The following SEMA4D variants were observed in gnomAD, a reference collection of about 807,000 sequenced individuals.
The protein encoded by SEMA4D is semaphorin 4D.
A neutral mutation model predicts 74.8 loss-of-function variants in SEMA4D; 22 were observed. That is an observed-to-expected ratio of 0.29 (90% CI 0.21 to 0.42). SEMA4D has a LOEUF of 0.42. Among genes scored for constraint, SEMA4D ranks in the 10% least tolerant of loss-of-function variants. SEMA4D has a pLI of 1.00. For missense variants in SEMA4D, 937 were observed against 1,118.4 expected (o/e 0.84, Z 2.31); for synonymous variants, 445 against 463.7 (o/e 0.96, Z 0.52).
At chr9:89,408,674 G>A (rs1293206625) in intron 2 of SEMA4D, among the ~76,000 whole-genome samples, 1 of 152,024 alleles carries the variant, frequency 6.6e-6, no homozygotes, top group East Asian at 1.9e-4. Context: ...TAGAGGAGGA[G>A]GAGGAGGCAG....
intron 1 of SEMA4D, among the ~76,000 whole-genome samples, chr9:89,477,266 A>T (rs561196533): frequency 2.7e-5 from 4 of 147,564 alleles, no homozygotes; most frequent in Non-Finnish European, 6.1e-5. Flanking sequence ...ACACACACAC[A>T]CACACAAATG....
At chr9:89,399,939 A>G (rs1841804634) in intron 4 of SEMA4D, among the ~76,000 whole-genome samples, 2 of 139,626 alleles carry the variant, frequency 1.4e-5, no homozygotes, top group African/African-American at 5.3e-5. Flanking sequence ...CGAAGGTTGC[A>G]GTAAGCCGAG....
At chr9:89,364,170 T>C in intron 16 of SEMA4D, 1 of 888,816 alleles carries the variant, frequency 1.1e-6, no homozygotes, top group Non-Finnish European at 1.7e-6. Flanking sequence ...CTCTTTGACC[T>C]TAATTGCCAT....
At chr9:89,452,003 A>G (rs1172979548) in intron 2 of SEMA4D, among the ~76,000 whole-genome samples, 1 of 152,040 alleles carries the variant, frequency 6.6e-6, no homozygotes, top group African/African-American at 2.4e-5. Context: ...CCTATGAGGC[A>G]TAAGGAGGCA....
chr9:89,474,662 C>T (rs1174904588), intron 1 of SEMA4D, among the ~76,000 whole-genome samples: 1 of 152,190 alleles, frequency 6.6e-6, no homozygotes, highest in Non-Finnish European at 1.5e-5. Context: ...AATATTAAGC[C>T]ACTCTCCCCC....
chr9:89,418,057 T>C (rs1024930776), intron 2 of SEMA4D: 5 of 981,774 alleles, frequency 5.1e-6, no homozygotes, highest in African/African-American at 3.5e-5. Context: ...TGGTTTTACC[T>C]GTATCTTATG....
intron 2 of SEMA4D, among the ~76,000 whole-genome samples, chr9:89,444,428 C>T (rs556974173): frequency 6.6e-6 from 1 of 152,334 alleles, no homozygotes; most frequent in East Asian, 1.9e-4. Context: ...ACTTGCTCTG[C>T]AGCCGCTACT....
At chr9:89,410,230 C>T (rs1320990846) in intron 2 of SEMA4D, among the ~76,000 whole-genome samples, 1 of 152,220 alleles carries the variant, frequency 6.6e-6, no homozygotes, top group African/African-American at 2.4e-5. Flanking sequence ...ATCTCAGATA[C>T]AAGAGGCGAG....
chr9:89,363,730 G>C, intron 17 of SEMA4D: 8 of 1,610,168 alleles, frequency 5.0e-6, no homozygotes, highest in Non-Finnish European at 6.8e-6. Context: ...GTGGGCATGG[G>C]AATCACTTAC....
chr9:89,376,649 A>T, downstream of SEMA4D: 1 of 854,332 alleles, frequency 1.2e-6, no homozygotes, highest in Non-Finnish European at 1.8e-6. Context: ...CACACTGTCT[A>T]CAGTTTCCCT....
intron 2 of SEMA4D, among the ~76,000 whole-genome samples, chr9:89,411,595 A>G (rs1028371840): frequency 6.6e-6 from 1 of 152,266 alleles, no homozygotes; most frequent in African/African-American, 2.4e-5. Context: ...CTCTCAAGTT[A>G]AAGAAGAACT....
chr9:89,434,248 C>G (rs113754315), intron 2 of SEMA4D, among the ~76,000 whole-genome samples: 1 of 152,126 alleles, frequency 6.6e-6, no homozygotes, highest in Non-Finnish European at 1.5e-5. Context: ...CCATCCAGCA[C>G]GCGTGTAGGT....
chr9:89,416,778 A>C (rs1011557676), intron 2 of SEMA4D, among the ~76,000 whole-genome samples: 10 of 152,236 alleles, frequency 6.6e-5, no homozygotes. Context: ...TTAATTCATG[A>C]AGAGATTATG....
intron 2 of SEMA4D, among the ~76,000 whole-genome samples, chr9:89,416,675 T>C (rs1259943632): frequency 2.0e-5 from 3 of 152,158 alleles, no homozygotes; most frequent in Non-Finnish European, 4.4e-5. Flanking sequence ...TGGTCGCTTA[T>C]AAGGAGGAGG....
chr9:89,476,654 T>C (rs1448347955), intron 1 of SEMA4D, among the ~76,000 whole-genome samples: 1 of 152,194 alleles, frequency 6.6e-6, no homozygotes, highest in Non-Finnish European at 1.5e-5. Context: ...CACAATCAGG[T>C]GAGCCAATTC....
intron 1 of SEMA4D, among the ~76,000 whole-genome samples, chr9:89,460,163 C>A (rs1411260401): frequency 1.3e-5 from 2 of 152,208 alleles, no homozygotes; most frequent in African/African-American, 4.8e-5. Context: ...CATAACCAAA[C>A]CTTGCTTCGC....
intron 16 of SEMA4D, chr9:89,368,767 T>C (rs1473595909): frequency 6.6e-6 from 1 of 152,408 alleles, no homozygotes; most frequent in African/African-American, 2.4e-5. Context: ...GCTTCTGGAA[T>C]GCACCTGTTC....
intron 2 of SEMA4D, among the ~76,000 whole-genome samples, chr9:89,446,431 CA>C (rs199570444): frequency 6.6e-6 from 1 of 151,964 alleles, no homozygotes; most frequent in African/African-American, 2.4e-5. Context: ...AACCAAAGAA[CA>C]AAAAAAACCC....
In SEMA4D at chr9:89,459,251, G is replaced by C. The variant is rs1409368403; in HGVS notation, c.-309-3298C>G. Among the ~76,000 whole-genome samples the C allele has an allele frequency of 2.6e-5, 4 of 152,148 alleles. No individual in the cohort carries two copies. In the East Asian group the frequency reaches 5.8e-4, roughly 22 times the overall value. On this transcript the variant is annotated intron_variant, in intron 1 of 15. Transcript: ENST00000422704. ...GGAGCCCCAGTCCGGTAGTGCTCTG[G>C]GGGGGTCCAAGAACATGCATTTCTA...
Sources: gnomAD v4.1 joint callset for allele counts (sites outside exome capture counted in the v4.1 genomes callset) on GRCh38, gnomAD v4.1.1 for gene constraint, MANE v1.5 for transcripts, NCBI Gene and HGNC (gene_info 2026-07-23, HGNC 2026-07-21) for gene names.